The following GNL3L variants were observed in gnomAD, a reference collection of about 807,000 sequenced individuals.
GNL3L encodes the protein guanine nucleotide-binding protein-like 3-like protein.
A neutral mutation model predicts 42.9 loss-of-function variants in GNL3L; 4 were observed. That is an observed-to-expected ratio of 0.09 (90% CI 0.05 to 0.21). GNL3L has a LOEUF of 0.21. Among genes scored for constraint, GNL3L ranks in the 10% least tolerant of loss-of-function variants. GNL3L has a pLI of 1.00. For synonymous variants in GNL3L, 159 were observed against 176.3 expected, an observed-to-expected ratio of 0.90 and a Z score of 0.78; for missense variants, 412 against 481.7, an observed-to-expected ratio of 0.86 and a Z score of 1.36.
At chrX:54,599,597 T>A (rs1418085425) in intron 16 of GNL3L, among the ~76,000 whole-genome samples, 1 of 111,705 alleles carries the variant, frequency 9.0e-6, no homozygotes, top group African/African-American at 3.2e-5. Context: ...GTTTCCAAAT[T>A]TGAGAAATAT....
chrX:54,573,957 T>C (rs1925598525), intron 16 of GNL3L, among the ~76,000 whole-genome samples: 1 of 110,709 alleles, frequency 9.0e-6, no homozygotes, highest in Non-Finnish European at 1.9e-5. Flanking sequence ...TTATGAACTT[T>C]TGAGCTTTGT....
rs1264715967 is a variant in GNL3L, at chrX:54,607,084, TC to T, written c.*46-13760del. Reference sequence around the variant, plus strand: ...TCTTTCTTTCTTTCTCTTTCTTTCTTCTTTCTTTCTTTCTTTCTTTCTTTCT... The same window carrying T: ...TCTTTCTTTCTTTCTCTTTCTTTCTTTTTCTTTCTTTCTTTCTTTCTTTCT... On this transcript the variant is annotated intron_variant, in intron 16 of 16. Coordinates refer to the GNL3L transcript ENST00000674498. Among the ~76,000 whole-genome samples the T allele has an allele frequency of 6.1e-4, 30 of 49,167 alleles. 1 individual carries two copies. Among genetic ancestry groups the T allele is most frequent in the East Asian group, 3.7e-3 (6 of 1,621 alleles). The allele number at this position is 49,167 out of a possible 115,157, so 42.7% of individuals were successfully genotyped here. A position where few individuals can be genotyped will look rare whatever the true frequency, so the allele number is the denominator to read the frequency against.
intron 14 of GNL3L, among the ~76,000 whole-genome samples, chrX:54,555,076 G>A (rs886764145): frequency 9.1e-6 from 1 of 110,112 alleles, no homozygotes; most frequent in African/African-American, 3.3e-5. Flanking sequence ...GCAGTGGCGT[G>A]ATCTTGGCTC....
chrX:54,544,946 C>T (rs1010701453), intron 8 of GNL3L, among the ~76,000 whole-genome samples: 1 of 111,787 alleles, frequency 8.9e-6, no homozygotes, highest in African/African-American at 3.3e-5. Context: ...GACAGAGTCT[C>T]ACTCTGTTGC....
At chrX:54,639,378 C>T in the GNL3L span, among the ~76,000 whole-genome samples, 1 of 112,360 alleles carries the variant, frequency 8.9e-6, no homozygotes, top group East Asian at 2.8e-4. Flanking sequence ...ACGTGCCCCG[C>T]CCGCCCGACT....
At chrX:54,568,685 C>T (rs1925500330), downstream of GNL3L, among the ~76,000 whole-genome samples, 1 of 110,923 alleles carries the variant, frequency 9.0e-6, no homozygotes, top group African/African-American at 3.3e-5. Flanking sequence ...TCCCAAGTAG[C>T]TGGGATTAGA....
chrX:54,618,009 A>G (rs1926240734), intron 16 of GNL3L, among the ~76,000 whole-genome samples: 2 of 109,984 alleles, frequency 1.8e-5, no homozygotes, highest in Non-Finnish European at 3.8e-5. Context: ...TTTCCTTCCT[A>G]TTCTCTAAAT....
Position 54,547,995 on chromosome X carries a change from C to T in GNL3L, c.631-234C>T, listed in dbSNP as rs781048266. The stretch of plus-strand genomic sequence containing the variant: ...AGCCAGGATGCCATCCTGCCACTGC[C>T]GAGGGAGGCAAGTGACATGTGTCGA... On this transcript the variant is annotated intron_variant, in intron 8 of 15. Coordinates refer to ENST00000360845, the MANE Select transcript of GNL3L (RefSeq NM_001184819.2). Among the ~76,000 whole-genome samples the T allele has an allele frequency of 6.3e-5, 7 of 111,506 alleles. 1 individual carries two copies. Among genetic ancestry groups the T allele is most frequent in the Admixed American group, 2.9e-4 (3 of 10,515 alleles).
rs761776209 is a variant in GNL3L at position 54,560,604 on chromosome X, C to T, written c.*2C>T. On this transcript the variant is annotated 3_prime_UTR_variant, in exon 16 of 16. Transcript: ENST00000360845. ...GCTGATGATGGTGTTGGTGACTAAT[C>T]GACTGATCTCACTTCCCTTCCGCTC... 268 of 1,056,437 alleles carry T rather than the reference C, an allele frequency of 2.5e-4. 1 individual carries two copies. The highest frequency in any genetic ancestry group is 1.9e-3 in the Admixed American group (86 of 45,539). The allele number at this position is 1,056,437 out of a possible 1,213,427, so 87.1% of individuals were successfully genotyped here.
chrX:54,591,120 C>T (rs1321089828), intron 16 of GNL3L, among the ~76,000 whole-genome samples: 10 of 111,176 alleles, frequency 9.0e-5, no homozygotes, highest in South Asian at 3.7e-4. Flanking sequence ...CGTGAGCCAC[C>T]GTCCCCAGCC....
downstream of GNL3L, among the ~76,000 whole-genome samples, chrX:54,626,378 GAGTA>G (rs1478594987): frequency 3.6e-5 from 4 of 111,756 alleles, no homozygotes; most frequent in Non-Finnish European, 7.5e-5. Flanking sequence ...TTTTAAGGTT[GAGTA>G]GTATTCTATT....
intron 16 of GNL3L, among the ~76,000 whole-genome samples, chrX:54,589,427 C>G (rs1162513044): frequency 9.0e-6 from 1 of 110,752 alleles, no homozygotes; most frequent in Non-Finnish European, 1.9e-5. Context: ...CCATCCTACT[C>G]TCTATGTCGA....
chrX:54,608,530 A>C (rs1320183623), intron 16 of GNL3L, among the ~76,000 whole-genome samples: 1 of 105,149 alleles, frequency 9.5e-6, no homozygotes, highest in East Asian at 3.1e-4. Context: ...CCGAGTCCCC[A>C]AAGTCCATCG....
chrX:54,536,796 AAAAC>A (rs1427128691), intron 2 of GNL3L, among the ~76,000 whole-genome samples: 3 of 105,737 alleles, frequency 2.8e-5, no homozygotes, highest in African/African-American at 7.0e-5. Context: ...AAAAAAAAAA[AAAAC>A]AGAGAGAGAG....
chrX:54,570,858 G>A (rs1168421152), downstream of GNL3L, among the ~76,000 whole-genome samples: 1 of 111,118 alleles, frequency 9.0e-6, no homozygotes. Context: ...TATACTTTAA[G>A]TCCTCTTTTA....
At chrX:54,621,678 C>T (rs1404780638), downstream of GNL3L, among the ~76,000 whole-genome samples, 1 of 111,454 alleles carries the variant, frequency 9.0e-6, no homozygotes, top group African/African-American at 3.3e-5. Flanking sequence ...TGATGGCCTG[C>T]ACCCATAGTC....
downstream of GNL3L, among the ~76,000 whole-genome samples, chrX:54,625,548 AT>A (rs913503228): frequency 9.0e-6 from 1 of 110,839 alleles, no homozygotes; most frequent in East Asian, 2.8e-4. Flanking sequence ...TCCTTTTAAT[AT>A]GATGTTGGAT....
chrX:54,625,464 T>C (rs989450343), downstream of GNL3L, among the ~76,000 whole-genome samples: 2 of 110,653 alleles, frequency 1.8e-5, no homozygotes, highest in African/African-American at 6.6e-5. Flanking sequence ...TGTAGTGTAT[T>C]ATATTGTTTG....
At chrX:54,544,814 C>T (rs750718791) in intron 8 of GNL3L, among the ~76,000 whole-genome samples, 13 of 110,812 alleles carry the variant, frequency 1.2e-4, no homozygotes, top group Non-Finnish European at 2.5e-4. Context: ...TGACTTCTTC[C>T]TGTATTATCA....
Sources: allele counts gnomAD v4.1 joint callset (sites outside exome capture counted in the v4.1 genomes callset), GRCh38; gene constraint gnomAD v4.1.1; transcripts MANE v1.5; gene names NCBI Gene and HGNC (gene_info 2026-07-23, HGNC 2026-07-21).